PRKCQ: variants seen among roughly 807,000 people sequenced by gnomAD.
PRKCQ encodes protein kinase C theta type.
A neutral mutation model predicts 91.2 loss-of-function variants in PRKCQ; 41 were observed. The ratio of observed to expected loss-of-function variants is 0.45; its 90% confidence interval spans 0.35 to 0.58. The LOEUF (loss-of-function observed/expected upper bound fraction) is 0.58, where lower values mean the gene tolerates loss of function less well. Among genes scored for constraint, PRKCQ ranks in the 20% least tolerant of loss-of-function variants. PRKCQ has a pLI of 0.00. For missense variants in PRKCQ, 673 were observed against 896.5 expected (o/e 0.75, Z 3.18); for synonymous variants, 307 against 316.9 (o/e 0.97, Z 0.33).
intron 1 of PRKCQ, among the ~76,000 whole-genome samples, chr10:6,552,075 T>C (rs1168785336): frequency 1.3e-5 from 2 of 152,224 alleles, no homozygotes; most frequent in East Asian, 3.8e-4. Flanking sequence ...TGATCACTGA[T>C]AGTGAACTTT....
intron 1 of PRKCQ, among the ~76,000 whole-genome samples, chr10:6,536,440 C>T (rs1013128710): frequency 6.6e-6 from 1 of 152,230 alleles, no homozygotes; most frequent in African/African-American, 2.4e-5. Flanking sequence ...AGCCCTATGA[C>T]AGCAGCAGAC....
intron 1 of PRKCQ, among the ~76,000 whole-genome samples, chr10:6,567,985 C>A (rs1840892685): frequency 6.6e-6 from 1 of 152,236 alleles, no homozygotes; most frequent in South Asian, 2.1e-4. Context: ...GTAATCCCAG[C>A]ACTTTGGTGG....
chr10:6,539,589 T>C (rs1839704863), intron 1 of PRKCQ, among the ~76,000 whole-genome samples: 1 of 151,804 alleles, frequency 6.6e-6, no homozygotes, highest in Non-Finnish European at 1.5e-5. Context: ...TGATGGTGAG[T>C]TGTAATTATT....
intron 16 of PRKCQ, among the ~76,000 whole-genome samples, chr10:6,432,447 G>A (rs751795364): frequency 2.0e-5 from 3 of 152,076 alleles, no homozygotes; most frequent in Non-Finnish European, 2.9e-5. Context: ...GCAATCACCC[G>A]GTGTATCTGA....
At chr10:6,575,085 A>T (rs900502081) in intron 1 of PRKCQ, among the ~76,000 whole-genome samples, 1 of 152,268 alleles carries the variant, frequency 6.6e-6, no homozygotes, top group Non-Finnish European at 1.5e-5. Flanking sequence ...TGCTAGAGGA[A>T]AAAAGAGACA....
Position 6,479,081 on chromosome 10 carries a change from C to T in PRKCQ, c.1264G>A (p.Val422Ile). Residue 422 changes from valine to isoleucine, a missense_variant, in exon 12 of 18, where the codon GTT becomes ATT. Physicochemically the swap from Val to Ile is conservative, Grantham distance 29. Coordinates refer to ENST00000263125, the MANE Select transcript of PRKCQ (RefSeq NM_006257.5). ...KKDVVLMDDD[V>I]ECTMVEKRVL... ...CTCTTCTCTACCATCGTGCACTCAA[C>T]ATCATCGTCCATCAAGACCACATCT... is the stretch of plus-strand genomic sequence containing the variant. 2 of 1,614,210 alleles carry T rather than the reference C, an allele frequency of 1.2e-6. No individual in the cohort carries two copies. The highest frequency in any genetic ancestry group is 2.7e-5 in the African/African-American group (2 of 75,064).
the PRKCQ span, among the ~76,000 whole-genome samples, chr10:6,416,943 T>C: frequency 6.6e-5 from 10 of 152,222 alleles, no homozygotes; most frequent in African/African-American, 2.4e-4. Context: ...TTCTTCTTAT[T>C]TCACTCTGGG....
At chr10:6,552,209 T>C (rs1840214133) in intron 1 of PRKCQ, among the ~76,000 whole-genome samples, 2 of 152,226 alleles carry the variant, frequency 1.3e-5, no homozygotes, top group South Asian at 4.1e-4. Context: ...GTTTTTCAAG[T>C]GTATTATAAA....
intron 1 of PRKCQ, among the ~76,000 whole-genome samples, chr10:6,543,705 G>C (rs966082466): frequency 6.6e-6 from 1 of 152,200 alleles, no homozygotes; most frequent in Non-Finnish European, 1.5e-5. Flanking sequence ...GTTTTCCAGA[G>C]AAACACGCTG....
intron 15 of PRKCQ, among the ~76,000 whole-genome samples, chr10:6,456,447 A>G (rs1835011118): frequency 6.6e-6 from 1 of 152,192 alleles, no homozygotes; most frequent in African/African-American, 2.4e-5. Context: ...GGGAAAGGAA[A>G]TGCCAAACTC....
intron 4 of PRKCQ, among the ~76,000 whole-genome samples, chr10:6,498,821 G>T (rs148899518): frequency 3.3e-5 from 5 of 152,282 alleles, no homozygotes; most frequent in African/African-American, 9.6e-5. Context: ...GCTCCTCTTT[G>T]ACTGGGCTGA....
At chr10:6,402,748 A>C in the PRKCQ span, among the ~76,000 whole-genome samples, 187 of 152,276 alleles carry the variant, frequency 1.2e-3, 1 homozygote, top group African/African-American at 4.3e-3. Context: ...CGTTTCTACT[A>C]AAAGTACAAA....
chr10:6,480,543 C>T (rs1425312343), intron 11 of PRKCQ, among the ~76,000 whole-genome samples: 1 of 152,192 alleles, frequency 6.6e-6, no homozygotes, highest in African/African-American at 2.4e-5. Flanking sequence ...AGTTTTATTT[C>T]ACAGACATTT....
At chr10:6,452,695 A>G (rs943306404) in intron 15 of PRKCQ, among the ~76,000 whole-genome samples, 10 of 150,270 alleles carry the variant, frequency 6.7e-5, no homozygotes, top group African/African-American at 2.5e-4. Context: ...ACAGTAACCA[A>G]AACAGCATGG....
chr10:6,517,206 T>A (rs1838798698), intron 1 of PRKCQ, among the ~76,000 whole-genome samples: 1 of 152,068 alleles, frequency 6.6e-6, no homozygotes, highest in African/African-American at 2.4e-5. Context: ...TCAGAGCACT[T>A]TTTAGGTGAT....
chr10:6,496,526 G>A (rs192777001), intron 7 of PRKCQ, among the ~76,000 whole-genome samples: 1 of 151,892 alleles, frequency 6.6e-6, no homozygotes, highest in Non-Finnish European at 1.5e-5. Flanking sequence ...TCTAGCTGGG[G>A]GTGCCACAAG....
intron 1 of PRKCQ, among the ~76,000 whole-genome samples, chr10:6,527,157 A>G (rs1839229474): frequency 6.6e-6 from 1 of 152,194 alleles, no homozygotes; most frequent in South Asian, 2.1e-4. Context: ...TAACTTTGAG[A>G]TATGGAGAAT....
intron 3 of PRKCQ, among the ~76,000 whole-genome samples, chr10:6,509,012 A>G (rs1248390304): frequency 6.6e-6 from 1 of 152,242 alleles, no homozygotes; most frequent in African/African-American, 2.4e-5. Flanking sequence ...AAGGGAAAAT[A>G]TAAGTCCCAA....
chr10:6,527,747 A>G (rs1430890644), intron 1 of PRKCQ, among the ~76,000 whole-genome samples: 1 of 152,160 alleles, frequency 6.6e-6, no homozygotes, highest in Non-Finnish European at 1.5e-5. Flanking sequence ...AGCTTCTCCC[A>G]GATGGCCACC....
Sources: gnomAD v4.1 joint callset for allele counts (sites outside exome capture counted in the v4.1 genomes callset) on GRCh38, gnomAD v4.1.1 for gene constraint, MANE v1.5 for transcripts, NCBI Gene and HGNC (gene_info 2026-07-23, HGNC 2026-07-21) for gene names.